The following STK33 variants were observed in gnomAD, a reference collection of about 807,000 sequenced individuals.
STK33 encodes the protein serine/threonine-protein kinase 33.
Under a neutral mutation model 58.0 loss-of-function variants are expected in STK33, and 52 were observed. The observed-to-expected ratio is 0.90, with a 90% CI of 0.72 to 1.13. STK33 has a LOEUF of 1.13. STK33 is among the 50% of genes most tolerant of loss of function. The pLI is 0.00. For synonymous variants in STK33, 215 were observed against 200.1 expected (o/e 1.07, Z -0.63); for missense variants, 630 against 604.2 (o/e 1.04, Z -0.45).
intron 15 of STK33, among the ~76,000 whole-genome samples, chr11:8,397,279 T>C (rs2135115850): frequency 6.6e-6 from 1 of 152,280 alleles, no homozygotes; most frequent in African/African-American, 2.4e-5. Flanking sequence ...AGAGGAATGA[T>C]CAGGCAGCAA....
the STK33 span, among the ~76,000 whole-genome samples, chr11:8,343,591 C>T: frequency 6.6e-6 from 1 of 152,196 alleles, no homozygotes; most frequent in African/African-American, 2.4e-5. Context: ...GCCCGCAAGG[C>T]ACTCTCACCA....
chr11:8,410,768 T>A (rs1284540741), intron 15 of STK33, among the ~76,000 whole-genome samples: 1 of 152,192 alleles, frequency 6.6e-6, no homozygotes, highest in Non-Finnish European at 1.5e-5. Flanking sequence ...CCACCACGCC[T>A]GGCCTGAAAA....
chr11:8,465,042 C>G, intron 6 of STK33: 1 of 325,120 alleles, frequency 3.1e-6, no homozygotes, highest in Non-Finnish European at 5.5e-6. Context: ...TGGAGGAAAA[C>G]CATAAAAATC....
chr11:8,360,714 CTGG>C, the STK33 span, among the ~76,000 whole-genome samples: 1 of 152,244 alleles, frequency 6.6e-6, no homozygotes, highest in South Asian at 2.1e-4. Flanking sequence ...TCCTTGCTGG[CTGG>C]CACCCAGCAT....
chr11:8,383,923 C>T, the STK33 span, among the ~76,000 whole-genome samples: 1 of 152,140 alleles, frequency 6.6e-6, no homozygotes, highest in Non-Finnish European at 1.5e-5. Flanking sequence ...TCCTTCTCCA[C>T]CTTAGGGCTC....
the STK33 span, among the ~76,000 whole-genome samples, chr11:8,386,605 T>C: frequency 2.0e-5 from 3 of 152,190 alleles, no homozygotes; most frequent in South Asian, 2.1e-4. Flanking sequence ...GCTGCTGGCT[T>C]AGGCCCAGAG....
intron 1 of STK33, among the ~76,000 whole-genome samples, chr11:8,506,481 T>C (rs1344054400): frequency 1.3e-5 from 2 of 152,272 alleles, no homozygotes; most frequent in African/African-American, 2.4e-5. Flanking sequence ...AAAATCAAGG[T>C]GTCAGCGGGG....
chr11:8,402,696 G>A (rs1031224678), intron 15 of STK33, among the ~76,000 whole-genome samples: 2 of 152,204 alleles, frequency 1.3e-5, no homozygotes, highest in Non-Finnish European at 2.9e-5. Context: ...CACGGATGCT[G>A]AATGGCCACC....
chr11:8,536,738 G>A (rs1203074455), intron 1 of STK33, among the ~76,000 whole-genome samples: 1 of 151,710 alleles, frequency 6.6e-6, no homozygotes, highest in Non-Finnish European at 1.5e-5. Flanking sequence ...ATGCTGAAAT[G>A]TCCCTTTTTC....
chr11:8,558,487 T>C (rs1956914035), intron 1 of STK33, among the ~76,000 whole-genome samples: 1 of 151,966 alleles, frequency 6.6e-6, no homozygotes, highest in South Asian at 2.1e-4. Flanking sequence ...AACATAAATA[T>C]ATGGCACCTT....
intron 7 of STK33, among the ~76,000 whole-genome samples, chr11:8,462,440 TATACACACACACACACAC>T (rs964136763): frequency 2.4e-5 from 3 of 126,498 alleles, no homozygotes; most frequent in Admixed American, 8.7e-5. Flanking sequence ...TATATACATA[TATACACACACACACACAC>T]ACACACACAC....
At chr11:8,589,304 T>C (rs1481520621) in intron 1 of STK33, among the ~76,000 whole-genome samples, 1 of 152,114 alleles carries the variant, frequency 6.6e-6, no homozygotes, top group Non-Finnish European at 1.5e-5. Context: ...AAATGTACCA[T>C]ACAATGGAAT....
intron 12 of STK33, among the ~76,000 whole-genome samples, 197 bp from the exon 13 acceptor site, chr11:8,436,336 T>C (rs1460387856): frequency 6.6e-6 from 1 of 152,064 alleles, no homozygotes; most frequent in East Asian, 1.9e-4. Flanking sequence ...TATTTCAACA[T>C]TGAGAGGAAG....
chr11:8,580,365 A>T (rs2029907249), intron 1 of STK33, among the ~76,000 whole-genome samples: 1 of 152,184 alleles, frequency 6.6e-6, no homozygotes, highest in Admixed American at 6.5e-5. Context: ...TGAGCCAGGC[A>T]CAGAAAGAAA....
intron 14 of STK33, among the ~76,000 whole-genome samples, chr11:8,419,949 C>G (rs969150863): frequency 6.6e-6 from 1 of 151,968 alleles, no homozygotes; most frequent in Non-Finnish European, 1.5e-5. Flanking sequence ...CATGGATAAT[C>G]TCAATTATTA....
the STK33 span, among the ~76,000 whole-genome samples, chr11:8,381,072 C>T: frequency 3.3e-5 from 5 of 152,054 alleles, no homozygotes; most frequent in South Asian, 8.3e-4. Flanking sequence ...TATGGATATG[C>T]AAAGGCACAC....
At chr11:8,358,588 G>A in the STK33 span, among the ~76,000 whole-genome samples, 3 of 152,150 alleles carry the variant, frequency 2.0e-5, no homozygotes, top group Non-Finnish European at 2.9e-5. Flanking sequence ...AGGTCATCCA[G>A]GTACTCTTCC....
intron 11 of STK33, among the ~76,000 whole-genome samples, chr11:8,445,416 G>C (rs1182543262): frequency 6.6e-6 from 1 of 152,180 alleles, no homozygotes; most frequent in Non-Finnish European, 1.5e-5. Context: ...CCAATACTAT[G>C]TTGAATAGGA....
chr11:8,489,402 A>C (rs963901516), intron 1 of STK33, among the ~76,000 whole-genome samples: 11 of 152,196 alleles, frequency 7.2e-5, no homozygotes, highest in Non-Finnish European at 2.9e-5. Flanking sequence ...ATAACAGAAT[A>C]CCACAGGCTG....
Sources: allele counts gnomAD v4.1 joint callset (sites outside exome capture counted in the v4.1 genomes callset), GRCh38; gene constraint gnomAD v4.1.1; transcripts MANE v1.5; gene names NCBI Gene and HGNC (gene_info 2026-07-23, HGNC 2026-07-21).